The following STUM variants were observed in gnomAD, a reference collection of about 807,000 sequenced individuals.
STUM encodes protein stum homolog.
Under a neutral mutation model 15.3 loss-of-function variants are expected in STUM, and 8 were observed. That is an observed-to-expected ratio of 0.52 (90% CI 0.31 to 0.94). STUM has a LOEUF of 0.94. Ranked by LOEUF, STUM falls within the 40% of genes least tolerant of loss-of-function variation. STUM has a pLI of 0.05. For missense variants in STUM, 142 were observed against 204.9 expected (o/e 0.69, Z 1.87); for synonymous variants, 78 against 88.7 (o/e 0.88, Z 0.68).
chr1:226,582,635 G>A (rs1274302941), intron 1 of STUM, among the ~76,000 whole-genome samples: 1 of 151,840 alleles, frequency 6.6e-6, no homozygotes, highest in Non-Finnish European at 1.5e-5. Context: ...GACCCTGAAG[G>A]GTCACCCCAA....
intron 1 of STUM, among the ~76,000 whole-genome samples, chr1:226,559,427 G>A (rs1667501410): frequency 6.6e-6 from 1 of 152,106 alleles, no homozygotes; most frequent in Non-Finnish European, 1.5e-5. Context: ...CCTGGCTTCG[G>A]GGCCTCCCTG....
intron 1 of STUM, among the ~76,000 whole-genome samples, chr1:226,575,984 G>C (rs773741552): frequency 6.6e-5 from 10 of 152,350 alleles, no homozygotes; most frequent in African/African-American, 2.4e-4. Context: ...GAAAGAGAAC[G>C]TACTGCCCTA....
intron 1 of STUM, among the ~76,000 whole-genome samples, chr1:226,579,668 G>A (rs1354972040): frequency 1.3e-4 from 17 of 133,046 alleles, no homozygotes; most frequent in African/African-American, 3.8e-4. Context: ...GGCCTTTTTC[G>A]CCCAGGCTGG....
intron 1 of STUM, among the ~76,000 whole-genome samples, chr1:226,569,521 C>T (rs969553178): frequency 4.6e-5 from 7 of 152,124 alleles, no homozygotes; most frequent in Non-Finnish European, 7.3e-5. Flanking sequence ...GGCTGATGTG[C>T]GGTCCCACAC....
At position 226,602,644 on chromosome 1, in the gene STUM, G is replaced by C. The variant is rs1668288427; in HGVS notation, c.*604G>C. The C allele has an allele frequency of 6.6e-6, 1 of 152,568 alleles. No homozygotes were observed. Among genetic ancestry groups the C allele is most frequent in the Non-Finnish European group, 1.5e-5 (1 of 68,322 alleles). The allele number at this position is 152,568 out of a possible 1,614,324, so 9.5% of individuals were successfully genotyped here. ...AGTCCCACAGGCGTCTCCTGGGCCT[G>C]CCTCCCTGACCGCACCCCCCGCCTC... On this transcript the variant is annotated 3_prime_UTR_variant, in exon 4 of 4. Transcript: ENST00000366788.
chr1:226,565,009 C>T lies in STUM; in HGVS notation c.202+15903C>T, dbSNP rs905867750. On this transcript the variant is annotated intron_variant, in intron 1 of 3. Coordinates refer to ENST00000366788, the MANE Select transcript of STUM (RefSeq NM_001003665.4). This position sits in a 1 kb window ranked among gnomAD's most constrained non-coding sequence, Gnocchi z 4.4. Reference sequence around the variant, plus strand: ...TATCCTGCTCTGGACCCGAGGAGGCCGACCTCTACGGCCTGCATCACCAGT... The same window carrying T: ...TATCCTGCTCTGGACCCGAGGAGGCTGACCTCTACGGCCTGCATCACCAGT... Among the ~76,000 whole-genome samples, 6 of 152,152 alleles carry T rather than the reference C, an allele frequency of 3.9e-5. No homozygotes were observed. The highest frequency in any genetic ancestry group is 7.4e-5 in the Non-Finnish European group (5 of 68,014).
At chr1:226,561,538 C>G (rs942350196) in intron 1 of STUM, among the ~76,000 whole-genome samples, 2 of 152,172 alleles carry the variant, frequency 1.3e-5, no homozygotes. Context: ...GTTGCTAGGA[C>G]AGATGGCCTG....
In STUM at chr1:226,606,035, A is replaced by C. The variant is rs1441369127; in HGVS notation, c.*3995A>C. Reference sequence around the variant, plus strand: ...AGGATGCTACAGAAAGGAACTGCAGAAAGAAAAAAAGCCACATGGTTAACT... The same window carrying C: ...AGGATGCTACAGAAAGGAACTGCAGCAAGAAAAAAAGCCACATGGTTAACT... On this transcript the variant is annotated 3_prime_UTR_variant, in exon 4 of 4. Transcript: ENST00000366788. The C allele has an allele frequency of 1.3e-5, 2 of 152,288 alleles. No homozygotes were observed. Among genetic ancestry groups the C allele is most frequent in the African/African-American group, 2.4e-5 (1 of 41,450 alleles). The allele number at this position is 152,288 out of a possible 1,614,324, so 9.4% of individuals were successfully genotyped here. A position where few individuals can be genotyped will look rare whatever the true frequency, so the allele number is the denominator to read the frequency against.
intron 1 of STUM, among the ~76,000 whole-genome samples, chr1:226,559,942 C>A (rs1667512443): frequency 6.8e-6 from 1 of 146,718 alleles, no homozygotes; most frequent in Non-Finnish European, 1.5e-5. Context: ...CCACTGCAGT[C>A]CAGCCTGGGC....
At chr1:226,569,260 A>G (rs1218606748) in intron 1 of STUM, among the ~76,000 whole-genome samples, 3 of 152,204 alleles carry the variant, frequency 2.0e-5, no homozygotes, top group Non-Finnish European at 2.9e-5. Context: ...AGCACTTTGC[A>G]CATATATATA....
intron 1 of STUM, among the ~76,000 whole-genome samples, chr1:226,568,938 GTCCTTGTA>G (rs1346280401): frequency 9.6e-6 from 1 of 103,988 alleles, no homozygotes; most frequent in African/African-American, 4.5e-5. Context: ...GCAGACAGAG[GTCCTTGTA>G]GGGTCCCTAG....
intron 1 of STUM, among the ~76,000 whole-genome samples, chr1:226,578,143 A>G (rs1443078705): frequency 6.6e-6 from 1 of 152,054 alleles, no homozygotes; most frequent in African/African-American, 2.4e-5. Flanking sequence ...CCTTCTCAAT[A>G]TCTCACCATC....
intron 1 of STUM, among the ~76,000 whole-genome samples, chr1:226,592,340 C>T (rs898914149): frequency 6.6e-6 from 1 of 152,204 alleles, no homozygotes; most frequent in African/African-American, 2.4e-5. Context: ...TGAGCCACCA[C>T]GCCCAGCCTT....
chr1:226,553,495 T>G (rs1268962137), intron 1 of STUM, among the ~76,000 whole-genome samples: 1 of 151,990 alleles, frequency 6.6e-6, no homozygotes, highest in Admixed American at 6.5e-5. Context: ...GTCCAAACAA[T>G]AAATGGAGTG....
chr1:226,576,781 C>G (rs972761375), intron 1 of STUM, among the ~76,000 whole-genome samples: 2 of 152,176 alleles, frequency 1.3e-5, no homozygotes, highest in East Asian at 3.8e-4. Context: ...GCAGCAGAAA[C>G]CCACAAACAC....
At chr1:226,593,558 G>A (rs1668123948) in intron 1 of STUM, among the ~76,000 whole-genome samples, 1 of 152,122 alleles carries the variant, frequency 6.6e-6, no homozygotes, top group African/African-American at 2.4e-5. Context: ...TTGAGGGCAG[G>A]GGTTCAGTTA....
chr1:226,592,249 T>C (rs1253909241), intron 1 of STUM, among the ~76,000 whole-genome samples: 2 of 152,212 alleles, frequency 1.3e-5, no homozygotes, highest in Non-Finnish European at 2.9e-5. Context: ...GGTTTCATCA[T>C]GCTGGCCAGG....
chr1:226,604,204 G>C lies in STUM; in HGVS notation c.*2164G>C, dbSNP rs573638680. On this transcript the variant is annotated 3_prime_UTR_variant, in exon 4 of 4. Transcript: ENST00000366788. The surrounding 1 kb of genome is among the most constrained non-coding windows in gnomAD (Gnocchi z 4.7). Reference sequence around the variant, plus strand: ...CTTGGGCTGGGGGCGGCTGCTGAGGGGGTGAAGAAGAGATAGCAATTTATG... The same window carrying C: ...CTTGGGCTGGGGGCGGCTGCTGAGGCGGTGAAGAAGAGATAGCAATTTATG... The C allele has an allele frequency of 6.6e-6, 1 of 152,292 alleles. No homozygotes were observed. The highest frequency in any genetic ancestry group is 1.5e-5 in the Non-Finnish European group (1 of 68,036). 9.4% of individuals were successfully genotyped at this position (152,292 alleles called of 1,614,324 possible).
At chr1:226,589,062 T>C (rs900462652) in intron 1 of STUM, among the ~76,000 whole-genome samples, 2 of 152,230 alleles carry the variant, frequency 1.3e-5, no homozygotes, top group African/African-American at 4.8e-5. Flanking sequence ...AACAACTTGC[T>C]GGCCTAGGTC....
Sources: gnomAD v4.1 joint callset for allele counts (sites outside exome capture counted in the v4.1 genomes callset) on GRCh38, gnomAD v4.1.1 for gene constraint, Gnocchi (gnomAD v3.1) non-coding constraint, MANE v1.5 for transcripts, NCBI Gene and HGNC (gene_info 2026-07-23, HGNC 2026-07-21) for gene names.